Variants in PPP2R3A observed in about 807,000 individuals in gnomAD.
The protein encoded by PPP2R3A is protein phosphatase 2 regulatory subunit B''alpha, also known as serine/threonine-protein phosphatase 2A regulatory subunit B'' subunit alpha.
A neutral mutation model predicts 106.9 loss-of-function variants in PPP2R3A; 80 were observed. The ratio of observed to expected loss-of-function variants is 0.75; its 90% CI spans 0.62 to 0.90. The LOEUF is 0.90. PPP2R3A is among the 40% of genes least tolerant of loss of function. The pLI is 0.00. For synonymous variants in PPP2R3A, 483 were observed against 468.3 expected (o/e 1.03, Z -0.41); for missense variants, 1,386 against 1,350.4 (o/e 1.03, Z -0.41).
chr3:136,036,788 C>A (rs1253660450), intron 3 of PPP2R3A, among the ~76,000 whole-genome samples: 3 of 152,224 alleles, frequency 2.0e-5, no homozygotes. Context: ...TCCCGTCCAC[C>A]ATGATCCCCT....
intron 1 of PPP2R3A, among the ~76,000 whole-genome samples, chr3:135,966,999 G>GT (rs530354717): frequency 1.3e-3 from 196 of 149,760 alleles, no homozygotes; most frequent in Non-Finnish European, 1.9e-3. Context: ...TAAAACTGTT[G>GT]TTTTTTTTTC....
intron 3 of PPP2R3A, among the ~76,000 whole-genome samples, chr3:136,035,602 C>A (rs1479155746): frequency 1.3e-5 from 2 of 152,208 alleles, no homozygotes; most frequent in African/African-American, 4.8e-5. Context: ...TGCTGTTAAT[C>A]TGATAGGTTT....
At chr3:135,985,619 C>T (rs545644626) in intron 1 of PPP2R3A, among the ~76,000 whole-genome samples, 2 of 152,214 alleles carry the variant, frequency 1.3e-5, no homozygotes, top group South Asian at 2.1e-4. Context: ...GGCATACAGA[C>T]GGATTGTCTT....
intron 2 of PPP2R3A, among the ~76,000 whole-genome samples, chr3:136,004,870 A>G (rs1933788252): frequency 1.3e-5 from 2 of 152,166 alleles, no homozygotes. Context: ...ATATTCTTAA[A>G]TATTACGTAG....
At position 136,077,461 on chromosome 3, in the gene PPP2R3A, C is replaced by T. The variant is rs190429545; in HGVS notation, c.2545-906C>T. On this transcript the variant is annotated intron_variant, in intron 6 of 13. Transcript: ENST00000264977. ...TAAAACCACCAAAGATACAGGATTT[C>T]TGTATTATTAGACTATCAAAATAAA... is the stretch of plus-strand genomic sequence containing the variant. Among the ~76,000 whole-genome samples the T allele has an allele frequency of 6.6e-4, 100 of 152,206 alleles. No individual in the cohort carries two copies. The East Asian group carries it at 6.9e-3, about 11-fold the overall frequency.
At chr3:136,133,025 C>G (rs1373289701) in intron 13 of PPP2R3A, among the ~76,000 whole-genome samples, 4 of 151,990 alleles carry the variant, frequency 2.6e-5, no homozygotes, top group African/African-American at 9.7e-5. Flanking sequence ...ATATCTTGTG[C>G]TAAATATAAA....
At chr3:136,071,358 C>T (rs1195068970) in intron 6 of PPP2R3A, among the ~76,000 whole-genome samples, 1 of 152,218 alleles carries the variant, frequency 6.6e-6, no homozygotes, top group African/African-American at 2.4e-5. Flanking sequence ...TTTTCTTTTT[C>T]TCCTGTAGGA....
chr3:136,132,678 TC>T (rs1237670419), intron 13 of PPP2R3A, among the ~76,000 whole-genome samples: 2 of 151,878 alleles, frequency 1.3e-5, no homozygotes, highest in African/African-American at 4.8e-5. Context: ...ATGTCAATTA[TC>T]CCCAAATCGA....
intron 5 of PPP2R3A, among the ~76,000 whole-genome samples, chr3:136,050,689 A>G (rs1324635202): frequency 2.0e-5 from 3 of 151,954 alleles, no homozygotes; most frequent in Non-Finnish European, 2.9e-5. Flanking sequence ...TGCTCCTATC[A>G]CCCACAGACT....
chr3:135,991,699 T>C (rs1022609188), intron 1 of PPP2R3A, among the ~76,000 whole-genome samples: 1 of 152,222 alleles, frequency 6.6e-6, no homozygotes, highest in African/African-American at 2.4e-5. Context: ...TTTTTCATCC[T>C]GTTTTTCCTG....
chr3:136,129,205 A>AC (rs1316773700), intron 13 of PPP2R3A, among the ~76,000 whole-genome samples: 1 of 151,512 alleles, frequency 6.6e-6, no homozygotes, highest in Non-Finnish European at 1.5e-5. Flanking sequence ...AAAAAAAAAA[A>AC]CCTTCAAAAA....
intron 13 of PPP2R3A, among the ~76,000 whole-genome samples, chr3:136,134,794 T>C (rs1938542899): frequency 1.3e-5 from 2 of 152,134 alleles, no homozygotes; most frequent in Admixed American, 6.6e-5. Flanking sequence ...TACATGTTCA[T>C]TGCAGAAGAG....
At position 135,984,372 on chromosome 3, in the gene PPP2R3A, T is replaced by C. The variant is rs531769973; in HGVS notation, c.-440-16687T>C. Among the ~76,000 whole-genome samples, 4 of 152,338 alleles carry C rather than the reference T, an allele frequency of 2.6e-5. No individual in the cohort carries two copies. In the East Asian group the frequency reaches 7.7e-4, roughly 29 times the overall value. ...TCTTCTGTAAGCCTCAGTTTCCTCA[T>C]CTGTGAAATAGAGATAACACTTCAA... On this transcript the variant is annotated intron_variant, in intron 1 of 13. Transcript: ENST00000264977.
At chr3:136,078,642 A>G (rs1242454973) in intron 7 of PPP2R3A, among the ~76,000 whole-genome samples, 189 bp downstream of exon 7, 3 of 147,028 alleles carry the variant, frequency 2.0e-5, no homozygotes, top group Non-Finnish European at 2.9e-5. Flanking sequence ...AGAGAATAAT[A>G]AGGGATCTCT....
rs1937425469 is a variant in PPP2R3A, at chr3:136,103,277, T to C, written c.3123T>C (p.Asp1041=). The change falls in exon 12 of 14, where the codon GAT becomes GAC. Residue 1041 remains aspartate, a synonymous_variant. Transcript: ENST00000264977. ...PAVDGKITLR[D]LKRCRMAHIF... ...ATGTAGGCAAAATAACTCTAAGAGA[T>C]CTGAAGAGGTGCAGAATGGCTCACA... 2 of 1,603,202 alleles carry C rather than the reference T, an allele frequency of 1.2e-6. No homozygotes were observed. The highest frequency in any genetic ancestry group is 2.2e-5 in the South Asian group (2 of 90,136).
At chr3:136,005,619 C>A (rs10935175) in intron 2 of PPP2R3A, among the ~76,000 whole-genome samples, 1 of 151,732 alleles carries the variant, frequency 6.6e-6, no homozygotes, top group Admixed American at 6.6e-5. Context: ...TAAGAAAAAT[C>A]CCTTCACATG....
Position 136,082,252 on chromosome 3 carries a change from C to G in PPP2R3A, c.2632-13C>G. The G allele has an allele frequency of 6.4e-7, 1 of 1,557,840 alleles. No individual in the cohort carries two copies. Among genetic ancestry groups the G allele is most frequent in the Non-Finnish European group, 8.8e-7 (1 of 1,131,916 alleles). ...TTCATAATGTTTAAATTCTTCTTTT[C>G]ATATAATTTCAGACCCTAGCACTTT... On this transcript the variant is annotated splice_polypyrimidine_tract_variant and intron_variant, in intron 7 of 13. Transcript: ENST00000264977.
chr3:135,998,422 C>CCTG (rs1933491361), intron 1 of PPP2R3A, among the ~76,000 whole-genome samples: 1 of 152,150 alleles, frequency 6.6e-6, no homozygotes, highest in South Asian at 2.1e-4. Context: ...TTCAGACTTA[C>CCTG]CAGCAATCAA....
chr3:135,990,542 G>A (rs549197543), intron 1 of PPP2R3A, among the ~76,000 whole-genome samples: 2 of 152,164 alleles, frequency 1.3e-5, no homozygotes, highest in East Asian at 1.9e-4. Flanking sequence ...ATAAATTAAT[G>A]AATAAAGTCC....
Sources: gnomAD v4.1 joint callset for allele counts (sites outside exome capture counted in the v4.1 genomes callset) on GRCh38, gnomAD v4.1.1 for gene constraint, MANE v1.5 for transcripts, NCBI Gene and HGNC (gene_info 2026-07-23, HGNC 2026-07-21) for gene names.